The following SEMA5A variants were observed in gnomAD, a reference collection of about 807,000 sequenced individuals.
SEMA5A encodes the protein semaphorin 5A, also known as semaphorin-5A.
Under a neutral mutation model 135.5 loss-of-function variants are expected in SEMA5A, and 55 were observed. The ratio of observed to expected loss-of-function variants is 0.41; its 90% CI spans 0.33 to 0.51. SEMA5A has a LOEUF of 0.51. Among genes scored for constraint, SEMA5A ranks in the 20% least tolerant of loss-of-function variants. The probability of loss-of-function intolerance (pLI) is 0.37; values close to 1 mark genes in which losing one functional copy is unlikely to be tolerated. For missense variants in SEMA5A, 1,290 were observed against 1,419.9 expected (o/e 0.91, Z 1.47); for synonymous variants, 580 against 546.5 (o/e 1.06, Z -0.85).
chr5:9,281,815 T>C (rs1750555603), intron 5 of SEMA5A, among the ~76,000 whole-genome samples: 1 of 131,954 alleles, frequency 7.6e-6, no homozygotes, highest in African/African-American at 2.8e-5. Flanking sequence ...CTCTTTGGGA[T>C]ACAGGCACTT....
chr5:9,048,129 C>G (rs1322294363), intron 21 of SEMA5A, among the ~76,000 whole-genome samples: 3 of 152,202 alleles, frequency 2.0e-5, no homozygotes, highest in East Asian at 1.9e-4. Context: ...TGGACCCAGG[C>G]AGCAGACAGT....
intron 5 of SEMA5A, among the ~76,000 whole-genome samples, chr5:9,243,045 G>A (rs974546061): frequency 5.3e-5 from 8 of 152,234 alleles, no homozygotes; most frequent in African/African-American, 1.9e-4. Flanking sequence ...CCAGCCTGTT[G>A]AATGCTCACT....
In SEMA5A at chr5:9,086,475, G is replaced by A. The variant is rs753308221; in HGVS notation, c.2074-19829C>T. On this transcript the variant is annotated intron_variant, in intron 16 of 22. Transcript: ENST00000382496. ...TTTAAAAATGGGAGTTTCCCTGCAC[G>A]AGCTCTCTTCTCTTGTCTGCCGCCA... 1.3e-4 allele frequency among the ~76,000 whole-genome samples: 20 copies of A among 152,066 alleles called. No individual in the cohort carries two copies. In the East Asian group the frequency reaches 2.5e-3, roughly 19 times the overall value.
chr5:9,359,257 T>C (rs1257736989), intron 3 of SEMA5A, among the ~76,000 whole-genome samples: 1 of 152,210 alleles, frequency 6.6e-6, no homozygotes, highest in East Asian at 1.9e-4. Flanking sequence ...GTTCATGGAC[T>C]AGTTAATTAA....
intron 1 of SEMA5A, among the ~76,000 whole-genome samples, chr5:9,480,819 A>G (rs562612218): frequency 1.4e-4 from 22 of 152,212 alleles, no homozygotes; most frequent in Admixed American, 2.6e-4. Context: ...AGAGCAAGAC[A>G]GGGATGAATT....
chr5:9,148,335 G>A (rs770984703), intron 12 of SEMA5A, among the ~76,000 whole-genome samples: 11 of 152,014 alleles, frequency 7.2e-5, no homozygotes, highest in South Asian at 2.1e-4. Context: ...AAATTCATAC[G>A]GCCACCTAAA....
At chr5:9,335,561 T>C (rs1466613822) in intron 4 of SEMA5A, among the ~76,000 whole-genome samples, 1 of 152,132 alleles carries the variant, frequency 6.6e-6, no homozygotes, top group Non-Finnish European at 1.5e-5. Context: ...CAAAGTTCTT[T>C]AGAGATGAAT....
chr5:9,505,215 T>G (rs970374430), intron 1 of SEMA5A, among the ~76,000 whole-genome samples: 1 of 152,188 alleles, frequency 6.6e-6, no homozygotes, highest in Non-Finnish European at 1.5e-5. Context: ...ACCAAGGATG[T>G]GAGTCCCAGT....
intron 16 of SEMA5A, among the ~76,000 whole-genome samples, chr5:9,069,378 A>G (rs1737648822): frequency 6.7e-6 from 1 of 149,678 alleles, no homozygotes; most frequent in Admixed American, 6.6e-5. Flanking sequence ...CTACTTTTTA[A>G]AAACAACATG....
At chr5:9,238,264 G>A (rs1259869002) in intron 5 of SEMA5A, among the ~76,000 whole-genome samples, 1 of 152,078 alleles carries the variant, frequency 6.6e-6, no homozygotes, top group Non-Finnish European at 1.5e-5. Flanking sequence ...CTTGAGACAA[G>A]ATAATTTAAA....
At chr5:9,514,469 G>T (rs1056139814) in intron 1 of SEMA5A, among the ~76,000 whole-genome samples, 2 of 152,110 alleles carry the variant, frequency 1.3e-5, no homozygotes, top group African/African-American at 2.4e-5. Context: ...ATACCTGAGG[G>T]ATTGGTTCCA....
At chr5:9,209,649 A>G (rs1746235402) in intron 8 of SEMA5A, among the ~76,000 whole-genome samples, 2 of 152,226 alleles carry the variant, frequency 1.3e-5, no homozygotes, top group South Asian at 4.1e-4. Context: ...GAATAAGGAA[A>G]CGTGCATGAT....
intron 1 of SEMA5A, among the ~76,000 whole-genome samples, chr5:9,455,261 T>C (rs7447854): frequency 7.1e-6 from 1 of 141,752 alleles, no homozygotes; most frequent in South Asian, 2.2e-4. Flanking sequence ...TTATTTATTT[T>C]TTTTTTTTTT....
intron 16 of SEMA5A, among the ~76,000 whole-genome samples, chr5:9,079,404 C>G (rs539389088): frequency 3.9e-5 from 6 of 152,136 alleles, no homozygotes; most frequent in African/African-American, 1.4e-4. Flanking sequence ...TGGGACACAG[C>G]TAAAGCAGTG....
At chr5:9,061,702 C>T (rs769428581) in intron 18 of SEMA5A, among the ~76,000 whole-genome samples, 1 of 152,010 alleles carries the variant, frequency 6.6e-6, no homozygotes, top group East Asian at 1.9e-4. Context: ...GCTCTTTCGG[C>T]TCATTTTCAT....
chr5:9,049,568 G>A (rs1339621799), intron 21 of SEMA5A, among the ~76,000 whole-genome samples: 1 of 152,242 alleles, frequency 6.6e-6, no homozygotes, highest in Non-Finnish European at 1.5e-5. Flanking sequence ...CATGTCAGAG[G>A]CAATGCCTGT....
chr5:9,068,757 A>G (rs1180676217), intron 16 of SEMA5A, among the ~76,000 whole-genome samples: 1 of 152,164 alleles, frequency 6.6e-6, no homozygotes, highest in Admixed American at 6.5e-5. Flanking sequence ...CATTGAGATG[A>G]TTATTTTCAT....
chr5:9,413,250 G>A (rs425620), intron 2 of SEMA5A, among the ~76,000 whole-genome samples: 18,704 of 152,074 alleles, frequency 0.12, 1,560 homozygotes, highest in East Asian at 0.3. Flanking sequence ...GAGAATGGGC[G>A]TTACTTAAAC....
At position 9,042,033 on chromosome 5, in the gene SEMA5A, G is replaced by A. The variant is rs185192528; in HGVS notation, c.*864C>T. 21 of 152,276 alleles carry A rather than the reference G, an allele frequency of 1.4e-4. No individual in the cohort carries two copies. The highest frequency in any genetic ancestry group is 4.6e-4 in the African/African-American group (19 of 41,552). The allele number at this position is 152,276 out of a possible 1,614,324, so 9.4% of individuals were successfully genotyped here. A position where few individuals can be genotyped will look rare whatever the true frequency, so the allele number is the denominator to read the frequency against. ...GAGAAGGCATGGAGTCTATCCAAAC[G>A]CTAAGTAAGTGGTTGGTTATTTTAC... On this transcript the variant is annotated 3_prime_UTR_variant, in exon 23 of 23. Transcript: ENST00000382496.
Sources: allele counts gnomAD v4.1 joint callset (sites outside exome capture counted in the v4.1 genomes callset), GRCh38; gene constraint gnomAD v4.1.1; transcripts MANE v1.5; gene names NCBI Gene and HGNC (gene_info 2026-07-23, HGNC 2026-07-21).